The following RAG1 variants were observed in gnomAD, a reference collection of about 807,000 sequenced individuals.
RAG1 encodes recombination activating 1.
A neutral mutation model predicts 62.7 loss-of-function variants in RAG1; 35 were observed. That is an observed-to-expected ratio of 0.56 (90% CI 0.43 to 0.74). The LOEUF (loss-of-function observed/expected upper bound fraction) is 0.74, where lower values mean the gene tolerates loss of function less well. Among genes scored for constraint, RAG1 ranks in the 30% least tolerant of loss-of-function variants. The probability of loss-of-function intolerance (pLI) is 0.00; values close to 1 mark genes in which losing one functional copy is unlikely to be tolerated. For missense variants in RAG1, 1,169 were observed against 1,278.6 expected (o/e 0.91, Z 1.31); for synonymous variants, 461 against 470.3 (o/e 0.98, Z 0.26).
rs1254739284 is a variant in RAG1 at position 36,575,631 on chromosome 11, G to A, written c.2327G>A (p.Arg776Gln). 2.5e-6 allele frequency: 4 copies of A among 1,614,204 alleles called. No homozygotes were observed. Among genetic ancestry groups the A allele is most frequent in the South Asian group, 1.1e-5 (1 of 91,086 alleles). The change falls in exon 2 of 2, where the codon CGG becomes CAG. Residue 776 changes from arginine to glutamine, a missense_variant. Transcript: ENST00000299440. This position sits in a 1 kb window ranked among gnomAD's most constrained non-coding sequence, Gnocchi z 4.1. Reference sequence around the variant, plus strand: ...TACCATGAGTCTGTGGAAGAACTGCGGGATCGGGTGAAAGGGGTCTCAGCT... The same window carrying A: ...TACCATGAGTCTGTGGAAGAACTGCAGGATCGGGTGAAAGGGGTCTCAGCT... Reference protein sequence around the residue: ...NPYHESVEELRDRVKGVSAKP... With the variant: ...NPYHESVEELQDRVKGVSAKP...
In RAG1 at chr11:36,576,364, C is replaced by T. The variant is rs1453032767; in HGVS notation, c.3060C>T (p.Asn1020=). 1 of 1,613,994 alleles carries T rather than the reference C, an allele frequency of 6.2e-7. No homozygotes were observed. The highest frequency in any genetic ancestry group is 1.3e-5 in the African/African-American group (1 of 74,930). ...NALKTSGFTM[N]PQASLGDPLG... ...TAAAAACCTCTGGGTTTACCATGAACCCTCAGGCAAGCTTAGGGGACCCAT... is the reference window on the plus strand; with the variant it reads ...TAAAAACCTCTGGGTTTACCATGAATCCTCAGGCAAGCTTAGGGGACCCAT... The change falls in exon 2 of 2, where the codon AAC becomes AAT. Residue 1020 remains asparagine (N), a synonymous_variant. Coordinates refer to ENST00000299440, the MANE Select transcript of RAG1 (RefSeq NM_000448.3).
chr11:36,578,099 A>T lies in RAG1; in HGVS notation c.*1663A>T, dbSNP rs905942917. ...TGAGTCATAATGATATGTTAGTGTT[A>T]ATTAGTTTTTTCTTCCTTTGATTTT... is the stretch of plus-strand genomic sequence containing the variant. On this transcript the variant is annotated 3_prime_UTR_variant, in exon 2 of 2. Transcript: ENST00000299440. 6.0e-6 allele frequency: 1 copy of T among 166,924 alleles called. No individual in the cohort carries two copies. Among genetic ancestry groups the T allele is most frequent in the African/African-American group, 2.4e-5 (1 of 41,438 alleles). The allele number at this position is 166,924 out of a possible 1,614,324, so 10.3% of individuals were successfully genotyped here.
At position 36,575,904 on chromosome 11, in the gene RAG1, A is replaced by C. The variant is rs970428951; in HGVS notation, c.2600A>C (p.Asp867Ala). Residue 867 changes from aspartate (D) to alanine (A), a missense_variant, in exon 2 of 2, where the codon GAT (aspartate) becomes GCT (alanine). This residue lies in a region of RAG1 where 800 missense variants were observed against 943.3 expected (regional missense o/e 0.85). Coordinates refer to ENST00000299440, the MANE Select transcript of RAG1 (RefSeq NM_000448.3). This position sits in a 1 kb window ranked among gnomAD's most constrained non-coding sequence, Gnocchi z 4.1. Reference sequence around the variant, plus strand: ...AAGCTCATGACCAAAGAGACTGTGGATGCAGTTTGTGAGTTAATTCCTTCC... The same window carrying C: ...AAGCTCATGACCAAAGAGACTGTGGCTGCAGTTTGTGAGTTAATTCCTTCC... ...ARKLMTKETVDAVCELIPSEE... is the reference protein window; with the variant it reads ...ARKLMTKETVAAVCELIPSEE... The C allele has an allele frequency of 8.7e-6, 14 of 1,614,060 alleles. No homozygotes were observed. Among genetic ancestry groups the C allele is most frequent in the Non-Finnish European group, 1.2e-5 (14 of 1,180,050 alleles).
chr11:36,513,745 A>G (rs1419714823), intron 1 of RAG1, among the ~76,000 whole-genome samples: 1 of 152,234 alleles, frequency 6.6e-6, no homozygotes, highest in Non-Finnish European at 1.5e-5. Context: ...GGCAGCAGAC[A>G]AGAGAGAGAA....
chr11:36,524,603 C>T (rs1860131814), intron 2 of RAG1, among the ~76,000 whole-genome samples: 1 of 151,842 alleles, frequency 6.6e-6, no homozygotes, highest in African/African-American at 2.4e-5. Context: ...ATCCTTCCAC[C>T]TAAGCCTCCC....
chr11:36,514,426 A>G (rs1387359465), intron 1 of RAG1, among the ~76,000 whole-genome samples: 3 of 152,162 alleles, frequency 2.0e-5, no homozygotes, highest in Non-Finnish European at 2.9e-5. Flanking sequence ...GGATTTTTGG[A>G]AGACAGTTTT....
intron 3 of RAG1, among the ~76,000 whole-genome samples, chr11:36,544,742 C>T (rs1308465421): frequency 2.6e-5 from 4 of 152,138 alleles, no homozygotes; most frequent in East Asian, 1.9e-4. Context: ...CCTCATGTGT[C>T]GAGGGAGGGA....
At chr11:36,532,040 T>TTA (rs1329469449) in intron 2 of RAG1, among the ~76,000 whole-genome samples, 1 of 152,056 alleles carries the variant, frequency 6.6e-6, no homozygotes, top group African/African-American at 2.4e-5. Flanking sequence ...TCTAGGGCAG[T>TTA]TATATATATT....
chr11:36,568,607 T>C (rs1160438837), intron 1 of RAG1, among the ~76,000 whole-genome samples: 1 of 152,256 alleles, frequency 6.6e-6, no homozygotes, highest in Non-Finnish European at 1.5e-5. Context: ...AATCACTGAA[T>C]GTTTAAAAAT....
chr11:36,535,311 G>A (rs1860310845), intron 2 of RAG1, among the ~76,000 whole-genome samples: 1 of 152,118 alleles, frequency 6.6e-6, no homozygotes, highest in African/African-American at 2.4e-5. Context: ...AAAATAGGAT[G>A]TAAAGTCTGA....
At chr11:36,520,425 C>T (rs914052438) in intron 2 of RAG1, among the ~76,000 whole-genome samples, 3 of 152,008 alleles carry the variant, frequency 2.0e-5, no homozygotes, top group Admixed American at 6.5e-5. Flanking sequence ...CGTGTCACCA[C>T]GCCCAGCTAA....
chr11:36,567,952 G>A (rs1027972074), upstream of RAG1: 1 of 152,288 alleles, frequency 6.6e-6, no homozygotes, highest in African/African-American at 2.4e-5. Context: ...CTCCATGGTG[G>A]GGGAGGCTGG....
chr11:36,567,965 A>C (rs1211802337), upstream of RAG1: 1 of 152,274 alleles, frequency 6.6e-6, no homozygotes, highest in Non-Finnish European at 1.5e-5. Flanking sequence ...GAGGCTGGGA[A>C]GGACAGTGGA....
At chr11:36,546,333 C>T (rs755529898) in intron 3 of RAG1, among the ~76,000 whole-genome samples, 1 of 152,070 alleles carries the variant, frequency 6.6e-6, no homozygotes. Flanking sequence ...TAATGTAATG[C>T]TCTTCTTTGT....
chr11:36,544,727 G>T (rs1290757272), intron 3 of RAG1, among the ~76,000 whole-genome samples: 2 of 152,310 alleles, frequency 1.3e-5, no homozygotes, highest in East Asian at 1.9e-4. Flanking sequence ...GTCTAGAATT[G>T]TAATCCTCAT....
chr11:36,521,383 A>T (rs921881439), intron 2 of RAG1, among the ~76,000 whole-genome samples: 1 of 152,096 alleles, frequency 6.6e-6, no homozygotes, highest in Non-Finnish European at 1.5e-5. Context: ...GTCTCACTAA[A>T]TCTGATGATT....
chr11:36,566,882 C>T (rs1254859150), upstream of RAG1, among the ~76,000 whole-genome samples: 2 of 152,172 alleles, frequency 1.3e-5, no homozygotes, highest in African/African-American at 2.4e-5. Flanking sequence ...AGAGGAGCGT[C>T]GAATGAGGGC....
At chr11:36,539,415 G>T (rs1860380433), downstream of RAG1, among the ~76,000 whole-genome samples, 1 of 152,150 alleles carries the variant, frequency 6.6e-6, no homozygotes, top group African/African-American at 2.4e-5. Context: ...GACTAATATA[G>T]ACTCTGTCTA....
intron 1 of RAG1, among the ~76,000 whole-genome samples, chr11:36,514,197 C>A (rs1047682508): frequency 6.6e-6 from 1 of 152,188 alleles, no homozygotes; most frequent in African/African-American, 2.4e-5. Context: ...GATCTTCCAG[C>A]CCCAGTCAAG....
Sources: gnomAD v4.1 joint callset for allele counts (sites outside exome capture counted in the v4.1 genomes callset) on GRCh38, gnomAD v4.1.1 for gene constraint, gnomAD v4.1.1 regional missense constraint, Gnocchi (gnomAD v3.1) non-coding constraint, MANE v1.5 for transcripts, NCBI Gene and HGNC (gene_info 2026-07-23, HGNC 2026-07-21) for gene names.